MARCO: variants seen among roughly 807,000 people sequenced by gnomAD.
MARCO encodes macrophage receptor MARCO.
MARCO carries 72 observed loss-of-function variants against 70.0 expected under a neutral mutation model. That is an observed-to-expected ratio of 1.03 (90% CI 0.85 to 1.25). The LOEUF (loss-of-function observed/expected upper bound fraction) is 1.25, where lower values mean the gene tolerates loss of function less well. Ranked by LOEUF, MARCO falls within the 50% of genes most tolerant of loss-of-function variation. The pLI is 0.00. For missense variants in MARCO, 696 were observed against 659.3 expected, an observed-to-expected ratio of 1.06 and a Z score of -0.61; for synonymous variants, 273 against 243.1, an observed-to-expected ratio of 1.12 and a Z score of -1.14.
chr2:118,961,043 T>A (rs1679936589), intron 1 of MARCO, among the ~76,000 whole-genome samples: 1 of 152,190 alleles, frequency 6.6e-6, no homozygotes, highest in Non-Finnish European at 1.5e-5. Flanking sequence ...TCCAGCTCCA[T>A]CCATGTCACT....
chr2:118,968,557 C>T (rs1053264033), intron 1 of MARCO, among the ~76,000 whole-genome samples: 3 of 152,128 alleles, frequency 2.0e-5, no homozygotes, highest in Non-Finnish European at 2.9e-5. Flanking sequence ...TAGAGATTAT[C>T]TCATCGGGTT....
intron 6 of MARCO, among the ~76,000 whole-genome samples, chr2:118,975,783 C>T (rs114470374): frequency 2.6e-4 from 39 of 152,326 alleles, no homozygotes; most frequent in African/African-American, 8.2e-4. Context: ...CTCACATACA[C>T]GCATATACTC....
chr2:118,963,339 A>G (rs1679984358), intron 1 of MARCO, among the ~76,000 whole-genome samples: 1 of 151,862 alleles, frequency 6.6e-6, no homozygotes, highest in African/African-American at 2.4e-5. Context: ...TGCTTTCTTA[A>G]TGACCCATGC....
At chr2:118,945,415 T>C (rs1679577483) in intron 1 of MARCO, among the ~76,000 whole-genome samples, 1 of 148,966 alleles carries the variant, frequency 6.7e-6, no homozygotes. Context: ...TTTTTTTTTT[T>C]TTTTTTTTCT....
chr2:118,953,383 A>T (rs1296658331), intron 1 of MARCO, among the ~76,000 whole-genome samples: 1 of 152,118 alleles, frequency 6.6e-6, no homozygotes, highest in African/African-American at 2.4e-5. Context: ...TGAAGAGGAA[A>T]CTTTTTACTT....
At chr2:118,962,348 G>A (rs1035622869) in intron 1 of MARCO, among the ~76,000 whole-genome samples, 1 of 152,144 alleles carries the variant, frequency 6.6e-6, no homozygotes, top group Non-Finnish European at 1.5e-5. Flanking sequence ...TCCTATTTAT[G>A]AGTATGAAAT....
intron 1 of MARCO, among the ~76,000 whole-genome samples, chr2:118,967,344 C>T (rs905691480): frequency 2.0e-5 from 3 of 152,192 alleles, no homozygotes; most frequent in African/African-American, 7.2e-5. Context: ...CACCAGTTGT[C>T]ATCTGGCCTG....
intron 13 of MARCO, among the ~76,000 whole-genome samples, chr2:118,990,931 A>G (rs185087738): frequency 3.7e-4 from 57 of 152,314 alleles, no homozygotes; most frequent in African/African-American, 3.1e-4. Flanking sequence ...CAGAGGCTCC[A>G]GGCTCTACAG....
At chr2:118,942,561 T>A (rs1303695638) in intron 1 of MARCO, among the ~76,000 whole-genome samples, 164 bp downstream of exon 1, 2 of 152,352 alleles carry the variant, frequency 1.3e-5, no homozygotes, top group South Asian at 4.1e-4. Flanking sequence ...TTGGAATTTC[T>A]GGAATGCTAA....
At chr2:118,971,871 C>G (rs1680179187) in intron 4 of MARCO, among the ~76,000 whole-genome samples, 1 of 152,232 alleles carries the variant, frequency 6.6e-6, no homozygotes, top group South Asian at 2.1e-4. Context: ...CCAGGTGACT[C>G]TTACCTACCA....
intron 4 of MARCO, among the ~76,000 whole-genome samples, chr2:118,971,757 C>T (rs2104580564): frequency 6.6e-6 from 1 of 152,334 alleles, no homozygotes; most frequent in South Asian, 2.1e-4. Context: ...AAGAGGCTTC[C>T]TCTCTCCACT....
chr2:118,977,564 A>G (rs777921825), intron 7 of MARCO, 49 bp downstream of exon 7: 4 of 1,550,106 alleles, frequency 2.6e-6, no homozygotes, highest in South Asian at 1.1e-5. Flanking sequence ...AGCCTGAGGC[A>G]CTGAGGCAGT....
intron 13 of MARCO, among the ~76,000 whole-genome samples, 181 bp from the exon 14 acceptor site, chr2:118,991,596 A>G (rs1680622233): frequency 6.6e-6 from 1 of 152,206 alleles, no homozygotes; most frequent in South Asian, 2.1e-4. Context: ...GCATTTACCT[A>G]AGAGTTGAGA....
intron 1 of MARCO, among the ~76,000 whole-genome samples, chr2:118,955,747 C>A (rs1409423511): frequency 6.6e-6 from 1 of 152,176 alleles, no homozygotes; most frequent in East Asian, 1.9e-4. Context: ...AGATTAACAG[C>A]AGATTTCTCA....
At chr2:118,994,193 A>AAC (rs1558675620) in intron 16 of MARCO, among the ~76,000 whole-genome samples, 194 bp from the exon 17 acceptor site, 3 of 151,066 alleles carry the variant, frequency 2.0e-5, no homozygotes, top group African/African-American at 7.3e-5. Flanking sequence ...GTCATTATAA[A>AAC]AACAACAACA....
At chr2:118,957,964 A>G (rs1679869115) in intron 1 of MARCO, among the ~76,000 whole-genome samples, 1 of 152,134 alleles carries the variant, frequency 6.6e-6, no homozygotes, top group African/African-American at 2.4e-5. Context: ...TTTATGATTA[A>G]AACCCTCAGT....
chr2:118,943,034 A>G (rs983402153), intron 1 of MARCO, among the ~76,000 whole-genome samples: 1 of 152,216 alleles, frequency 6.6e-6, no homozygotes, highest in Non-Finnish European at 1.5e-5. Flanking sequence ...ATTTGAAGTC[A>G]TGGGTGGGCT....
intron 16 of MARCO, 86 bp downstream of exon 16, chr2:118,993,386 G>C (rs576417619): frequency 2.9e-6 from 4 of 1,379,314 alleles, no homozygotes; most frequent in Non-Finnish European, 4.0e-6. Flanking sequence ...AAGTGACTCA[G>C]TGTGGTTTTC....
intron 1 of MARCO, among the ~76,000 whole-genome samples, chr2:118,957,166 C>T (rs1421585038): frequency 3.3e-5 from 5 of 151,080 alleles, no homozygotes; most frequent in East Asian, 3.9e-4. Context: ...AAAATTGAAA[C>T]AAAAAAATAC....
Sources: gnomAD v4.1 joint callset for allele counts (sites outside exome capture counted in the v4.1 genomes callset) on GRCh38, gnomAD v4.1.1 for gene constraint, MANE v1.5 for transcripts, NCBI Gene and HGNC (gene_info 2026-07-23, HGNC 2026-07-21) for gene names.